LZTS1: variants seen among roughly 807,000 people sequenced by gnomAD.
LZTS1 encodes leucine zipper putative tumor suppressor 1.
In LZTS1, 31 loss-of-function variants were observed where a neutral mutation model predicts 45.8. That is an observed-to-expected ratio of 0.68 (90% confidence interval 0.51 to 0.91). The LOEUF (loss-of-function observed/expected upper bound fraction) is 0.91. LZTS1 is among the 40% of genes least tolerant of loss of function. The pLI is 0.00. For missense variants in LZTS1, 821 were observed against 788.9 expected, an observed-to-expected ratio of 1.04 and a Z score of -0.49; for synonymous variants, 359 against 357.3, an observed-to-expected ratio of 1.00 and a Z score of -0.05.
chr8:20,280,631 CTAA>C (rs959975619), intron 1 of LZTS1, among the ~76,000 whole-genome samples: 2 of 152,176 alleles, frequency 1.3e-5, no homozygotes, highest in African/African-American at 2.4e-5. Context: ...GTCGATTGCG[CTAA>C]TGTTATTTCA....
chr8:20,292,416 C>A (rs1246466207), intron 1 of LZTS1, among the ~76,000 whole-genome samples: 1 of 152,216 alleles, frequency 6.6e-6, no homozygotes, highest in South Asian at 2.1e-4. Context: ...TTAAGCTGTG[C>A]ACATATGAGA....
intron 1 of LZTS1, among the ~76,000 whole-genome samples, chr8:20,281,575 A>G (rs1234434635): frequency 6.6e-6 from 1 of 152,188 alleles, no homozygotes; most frequent in African/African-American, 2.4e-5. Flanking sequence ...CTGTCTCAAA[A>G]AAAAAAGAAT....
In LZTS1 at chr8:20,303,954, C is replaced by G. The variant is rs569371098; in HGVS notation, c.-349G>C. On this transcript the variant is annotated 5_prime_UTR_variant, in exon 1 of 4. Coordinates refer to ENST00000381569, the MANE Select transcript of LZTS1 (RefSeq NM_021020.5). ...GCCAACCCGCCAGCTCCAGGCGCGC[C>G]GGCCTCTGCGCGGGTCCCGGAGCCG... 18,439 of 964,624 alleles carry G rather than the reference C, an allele frequency of 0.019. 219 individuals are homozygous for G. The highest frequency in any genetic ancestry group is 0.021 in the Non-Finnish European group (17,060 of 812,464). 59.8% of individuals were successfully genotyped at this position (964,624 alleles called of 1,614,324 possible). A position where few individuals can be genotyped will look rare whatever the true frequency, so the allele number is the denominator to read the frequency against.
chr8:20,277,566 T>G (rs998065799), intron 1 of LZTS1, among the ~76,000 whole-genome samples: 4 of 152,174 alleles, frequency 2.6e-5, no homozygotes, highest in Non-Finnish European at 4.4e-5. Flanking sequence ...AACAAGTATA[T>G]AAGGCTGGTA....
At chr8:20,274,760 T>C (rs1800542472) in intron 1 of LZTS1, among the ~76,000 whole-genome samples, 1 of 152,214 alleles carries the variant, frequency 6.6e-6, no homozygotes, top group East Asian at 1.9e-4. Flanking sequence ...ATTTCTGGGA[T>C]GTGGGATGTC....
At chr8:20,260,823 T>A (rs1341197210) in intron 1 of LZTS1, among the ~76,000 whole-genome samples, 4 of 152,070 alleles carry the variant, frequency 2.6e-5, no homozygotes, top group Non-Finnish European at 5.9e-5. Context: ...AGCATTCCTA[T>A]CCCTTAGCCC....
At chr8:20,268,554 G>T (rs1044761109) in intron 1 of LZTS1, among the ~76,000 whole-genome samples, 1 of 152,086 alleles carries the variant, frequency 6.6e-6, no homozygotes, top group African/African-American at 2.4e-5. Context: ...TGGGGCAGGG[G>T]TGAGCCTTTG....
chr8:20,250,462 G>A, intron 3 of LZTS1, 99 bp from the exon 4 acceptor site: 1 of 1,232,652 alleles, frequency 8.1e-7, no homozygotes, highest in Non-Finnish European at 1.1e-6. Flanking sequence ...CACTCCGGAT[G>A]CGGTGGCCCG....
At chr8:20,263,688 A>G (rs1800292109) in intron 1 of LZTS1, among the ~76,000 whole-genome samples, 1 of 151,966 alleles carries the variant, frequency 6.6e-6, no homozygotes, top group Admixed American at 6.6e-5. Flanking sequence ...AGCCGCTCCA[A>G]TCCCCAAGAG....
At chr8:20,274,218 C>T (rs1293637048) in intron 1 of LZTS1, among the ~76,000 whole-genome samples, 1 of 152,316 alleles carries the variant, frequency 6.6e-6, no homozygotes, top group South Asian at 2.1e-4. Flanking sequence ...CAGCTTCGAG[C>T]GCAGTACCTT....
In LZTS1 at chr8:20,286,330, T is replaced by A. The variant is rs114869153; in HGVS notation, c.-135+17410A>T. Among the ~76,000 whole-genome samples the A allele has an allele frequency of 5.5e-3, 836 of 152,234 alleles. 12 individuals are homozygous for A. Among genetic ancestry groups the A allele is most frequent in the African/African-American group, 0.019 (791 of 41,524 alleles). ...AACCAAATTTAAAATGAGCAAAAGA[T>A]TTGAACAGGCTAGGACATGCTAATG... On this transcript the variant is annotated intron_variant, in intron 1 of 3. Transcript: ENST00000381569.
rs1019810111 is a variant in LZTS1 at position 20,253,217 on chromosome 8, C to G, written c.714G>C (p.Lys238Asn). 6.8e-6 allele frequency: 11 copies of G among 1,613,896 alleles called. No individual in the cohort carries two copies. The East Asian group carries it at 8.9e-5, about 13-fold the overall frequency. Residue 238 changes from lysine (K) to asparagine (N), a missense_variant, in exon 3 of 4, where the codon AAG becomes AAC. Coordinates refer to ENST00000381569, the MANE Select transcript of LZTS1 (RefSeq NM_021020.5). ...KALSFSDGGS[K>N]LGHSNKADKG... is the part of the protein sequence containing the mutation. ...TGTCTGCCTTGTTCGAGTGGCCCAG[C>G]TTGCTACCTCCGTCGGAGAAGGACA...
chr8:20,265,067 A>G (rs1007909988), intron 1 of LZTS1, among the ~76,000 whole-genome samples: 5 of 152,162 alleles, frequency 3.3e-5, no homozygotes, highest in African/African-American at 1.2e-4. Flanking sequence ...AAGGCAGAGG[A>G]GGCTGCAGCT....
At chr8:20,276,439 TA>T (rs950362290) in intron 1 of LZTS1, among the ~76,000 whole-genome samples, 15 of 152,112 alleles carry the variant, frequency 9.9e-5, no homozygotes, top group African/African-American at 3.6e-4. Context: ...GTAGCCTCCA[TA>T]AAAACCCAAA....
At chr8:20,262,957 A>G (rs1350845829) in intron 1 of LZTS1, among the ~76,000 whole-genome samples, 1 of 152,168 alleles carries the variant, frequency 6.6e-6, no homozygotes, top group Non-Finnish European at 1.5e-5. Context: ...CAGTTTCCTC[A>G]CTTGTAATAT....
intron 1 of LZTS1, among the ~76,000 whole-genome samples, chr8:20,271,171 T>A (rs910702604): frequency 5.3e-5 from 8 of 152,114 alleles, no homozygotes; most frequent in Non-Finnish European, 1.2e-4. Context: ...TGGTACCCTT[T>A]GATGTGTCTG....
chr8:20,287,659 G>C (rs536141244), intron 1 of LZTS1, among the ~76,000 whole-genome samples: 1 of 152,094 alleles, frequency 6.6e-6, no homozygotes, highest in Non-Finnish European at 1.5e-5. Flanking sequence ...AGGCATGGTG[G>C]CTCACGCCTA....
rs1012794711 is a variant in LZTS1, at chr8:20,274,577, C to A, written c.-134-19262G>T. On this transcript the variant is annotated intron_variant, in intron 1 of 3. Transcript: ENST00000381569. ...CTGTGGGCCTGAGTGTTAGACCCCC[C>A]TTATGTGGAGATAAGATTACAGCTG... 1.6e-4 allele frequency among the ~76,000 whole-genome samples: 24 copies of A among 152,278 alleles called. No individual in the cohort carries two copies. In the East Asian group the frequency reaches 1.9e-3, roughly 12 times the overall value.
intron 1 of LZTS1, among the ~76,000 whole-genome samples, chr8:20,272,184 A>G (rs2128896085): frequency 6.6e-6 from 1 of 152,324 alleles, no homozygotes; most frequent in African/African-American, 2.4e-5. Context: ...ATGCAATCTA[A>G]GCCCAACCTG....
Sources: gnomAD v4.1 joint callset for allele counts (sites outside exome capture counted in the v4.1 genomes callset) on GRCh38, gnomAD v4.1.1 for gene constraint, MANE v1.5 for transcripts, NCBI Gene and HGNC (gene_info 2026-07-23, HGNC 2026-07-21) for gene names.